PARD3B: variants seen among roughly 807,000 people sequenced by gnomAD.
The protein encoded by PARD3B is par-3 family cell polarity regulator beta, also known as partitioning defective 3 homolog B.
A neutral mutation model predicts 130.2 loss-of-function variants in PARD3B; 103 were observed. That is an observed-to-expected ratio of 0.79 (90% CI 0.67 to 0.93). The LOEUF is 0.93. Ranked by LOEUF, PARD3B falls within the 40% of genes least tolerant of loss-of-function variation. The pLI, the probability that PARD3B is intolerant of heterozygous loss-of-function variation, is 0.00. For synonymous variants in PARD3B, 583 were observed against 553.2 expected, an observed-to-expected ratio of 1.05 and a Z score of -0.76; for missense variants, 1,609 against 1,499.2, an observed-to-expected ratio of 1.07 and a Z score of -1.21.
At position 205,421,273 on chromosome 2, in the gene PARD3B, T is replaced by C. The variant is rs1453707408; in HGVS notation, c.2742-19097T>C. Among the ~76,000 whole-genome samples the C allele has an allele frequency of 1.3e-5, 2 of 152,198 alleles. No individual in the cohort carries two copies. The highest frequency in any genetic ancestry group is 4.8e-5 in the African/African-American group (2 of 41,468). The stretch of plus-strand genomic sequence containing the variant: ...TCACTATTCTCCTCTAGGTGGCCAT[T>C]TCTTGCACTACAGATGTCAGCTGCC... On this transcript the variant is annotated intron_variant, in intron 19 of 22. Transcript: ENST00000406610. This position sits in a 1 kb window ranked among gnomAD's most constrained non-coding sequence, Gnocchi z 5.1.
At chr2:205,567,743 C>T (rs1351122546) in intron 22 of PARD3B, among the ~76,000 whole-genome samples, 2 of 151,612 alleles carry the variant, frequency 1.3e-5, no homozygotes, top group Non-Finnish European at 1.5e-5. Context: ...GGCTTCTCCC[C>T]ACCCCCGAGA....
intron 2 of PARD3B, among the ~76,000 whole-genome samples, chr2:204,738,836 A>G (rs2039871746): frequency 1.3e-5 from 2 of 152,190 alleles, no homozygotes; most frequent in South Asian, 2.1e-4. Context: ...TGCTAACATC[A>G]GGAGAAAACT....
At chr2:204,785,919 C>T (rs1057052652) in intron 2 of PARD3B, among the ~76,000 whole-genome samples, 1 of 151,980 alleles carries the variant, frequency 6.6e-6, no homozygotes, top group Non-Finnish European at 1.5e-5. Flanking sequence ...TGAGGCCAGC[C>T]TGGCCAACAT....
intron 1 of PARD3B, among the ~76,000 whole-genome samples, chr2:204,652,322 C>G (rs1429173851): frequency 1.3e-5 from 2 of 152,178 alleles, no homozygotes; most frequent in Non-Finnish European, 2.9e-5. Flanking sequence ...AGCCAGGTCA[C>G]ATTGTAAATG....
chr2:205,452,094 CAGGA>C (rs2048123768), intron 20 of PARD3B, among the ~76,000 whole-genome samples: 1 of 152,156 alleles, frequency 6.6e-6, no homozygotes, highest in Non-Finnish European at 1.5e-5. Flanking sequence ...AAAGCATTAA[CAGGA>C]AGCTTTGTAG....
intron 2 of PARD3B, among the ~76,000 whole-genome samples, chr2:204,741,777 T>A (rs2040018945): frequency 6.6e-6 from 1 of 152,180 alleles, no homozygotes; most frequent in Non-Finnish European, 1.5e-5. Flanking sequence ...ACACAAGCCA[T>A]CTGGCCCAGG....
chr2:205,077,881 T>C (rs1030782352), intron 4 of PARD3B, among the ~76,000 whole-genome samples: 1 of 152,206 alleles, frequency 6.6e-6, no homozygotes, highest in African/African-American at 2.4e-5. Context: ...AAAAGAGAGT[T>C]GGCCATAGGA....
intron 2 of PARD3B, among the ~76,000 whole-genome samples, chr2:204,833,679 G>C (rs1374926952): frequency 5.9e-5 from 9 of 152,078 alleles, no homozygotes; most frequent in Non-Finnish European, 7.4e-5. Context: ...TCGTCTGCCA[G>C]CATGTAAGAC....
At chr2:205,012,806 G>C (rs1575554744) in intron 3 of PARD3B, among the ~76,000 whole-genome samples, 1 of 152,254 alleles carries the variant, frequency 6.6e-6, no homozygotes, top group East Asian at 1.9e-4. Flanking sequence ...AAACAAGTTG[G>C]AAGTATTTAT....
intron 3 of PARD3B, among the ~76,000 whole-genome samples, chr2:205,005,765 T>C (rs1695213216): frequency 6.6e-6 from 1 of 152,222 alleles, no homozygotes; most frequent in East Asian, 1.9e-4. Flanking sequence ...AACAACTTAA[T>C]GATTTTGATC....
intron 1 of PARD3B, among the ~76,000 whole-genome samples, chr2:204,566,127 A>C: frequency 6.6e-6 from 1 of 152,228 alleles, no homozygotes; most frequent in East Asian, 1.9e-4. Flanking sequence ...TTCAAGGATA[A>C]ACCATGAGAT....
rs1377816874 is a variant in PARD3B at position 205,292,006 on chromosome 2, G to C, written c.2186-8524G>C. ...ACAGAGTGGTGTCAAAGGAGGGGCT[G>C]CTGGTGCCCTCAGGACCTCAGTGCA... On this transcript the variant is annotated intron_variant, in intron 16 of 22. Transcript: ENST00000406610. The surrounding 1 kb of genome is among the most constrained non-coding windows in gnomAD (Gnocchi z 5.3). Among the ~76,000 whole-genome samples the C allele has an allele frequency of 1.3e-5, 2 of 152,206 alleles. No homozygotes were observed. The highest frequency in any genetic ancestry group is 4.8e-5 in the African/African-American group (2 of 41,456).
At chr2:205,239,418 A>G (rs979475162) in intron 15 of PARD3B, among the ~76,000 whole-genome samples, 1 of 152,188 alleles carries the variant, frequency 6.6e-6, no homozygotes, top group African/African-American at 2.4e-5. Context: ...TTTTATTCTA[A>G]CAAATATGTC....
At chr2:204,961,863 C>T (rs1262488081) in intron 2 of PARD3B, among the ~76,000 whole-genome samples, 1 of 151,986 alleles carries the variant, frequency 6.6e-6, no homozygotes, top group East Asian at 1.9e-4. Context: ...TTGATAAGAG[C>T]AGTTTCAGTG....
chr2:205,200,604 A>G (rs1347965327), intron 15 of PARD3B, among the ~76,000 whole-genome samples: 1 of 152,220 alleles, frequency 6.6e-6, no homozygotes, highest in Non-Finnish European at 1.5e-5. Flanking sequence ...GGATTTATTG[A>G]CACTTACTGT....
chr2:204,612,439 T>G (rs1473298350), intron 1 of PARD3B, among the ~76,000 whole-genome samples: 1 of 152,202 alleles, frequency 6.6e-6, no homozygotes, highest in African/African-American at 2.4e-5. Flanking sequence ...TTCTTCCCAG[T>G]TATGTTTAGT....
At chr2:205,506,458 C>A (rs1052402129) in intron 21 of PARD3B, among the ~76,000 whole-genome samples, 6 of 152,174 alleles carry the variant, frequency 3.9e-5, no homozygotes, top group Non-Finnish European at 5.9e-5. Flanking sequence ...AAGATTTGTT[C>A]ATTCTGTTGT....
chr2:205,131,770 G>GC (rs1479607889), intron 10 of PARD3B, among the ~76,000 whole-genome samples: 1 of 152,174 alleles, frequency 6.6e-6, no homozygotes, highest in Non-Finnish European at 1.5e-5. Flanking sequence ...AAGACCGTAA[G>GC]CAGCCCAGTT....
chr2:205,239,590 A>G (rs530742826), intron 15 of PARD3B, among the ~76,000 whole-genome samples: 23 of 152,322 alleles, frequency 1.5e-4, no homozygotes, highest in Admixed American at 1.1e-3. Context: ...AGAACATATG[A>G]AAAGTATTGG....
Sources: allele counts gnomAD v4.1 joint callset (sites outside exome capture counted in the v4.1 genomes callset), GRCh38; gene constraint gnomAD v4.1.1; non-coding constraint Gnocchi (gnomAD v3.1); transcripts MANE v1.5; gene names NCBI Gene and HGNC (gene_info 2026-07-23, HGNC 2026-07-21).